TACC1: variants seen among roughly 807,000 people sequenced by gnomAD.
TACC1 encodes transforming acidic coiled-coil-containing protein 1.
Under a neutral mutation model 84.4 loss-of-function variants are expected in TACC1, and 48 were observed. The observed-to-expected ratio is 0.57, with a 90% CI of 0.45 to 0.72. The LOEUF is 0.72. TACC1 is among the 30% of genes least tolerant of loss of function. The pLI, the probability that TACC1 is intolerant of heterozygous loss-of-function variation, is 0.00. For synonymous variants in TACC1, 372 were observed against 376.3 expected, an observed-to-expected ratio of 0.99 and a Z score of 0.13; for missense variants, 920 against 973.0, an observed-to-expected ratio of 0.95 and a Z score of 0.72.
intron 2 of TACC1, among the ~76,000 whole-genome samples, chr8:38,809,309 G>T (rs980257274): frequency 1.1e-4 from 16 of 148,452 alleles, no homozygotes; most frequent in African/African-American, 3.2e-4. Context: ...TAGGTGTAGA[G>T]TGAGGAGATG....
At chr8:38,819,291 C>T (rs1044124023) in intron 2 of TACC1, among the ~76,000 whole-genome samples, 5 of 152,156 alleles carry the variant, frequency 3.3e-5, no homozygotes, top group East Asian at 1.9e-4. Context: ...ACTTACTATT[C>T]GTATCACTTG....
At chr8:38,801,235 C>T (rs535392258) in intron 2 of TACC1, among the ~76,000 whole-genome samples, 6 of 152,170 alleles carry the variant, frequency 3.9e-5, no homozygotes, top group African/African-American at 9.6e-5. Flanking sequence ...ATTTTGATAA[C>T]GTTCAGTTTA....
rs913380853 is a variant in TACC1, at chr8:38,848,115, T to G, written c.*92T>G. 2.4e-6 allele frequency: 3 copies of G among 1,272,820 alleles called. No individual in the cohort carries two copies. The highest frequency in any genetic ancestry group is 3.3e-6 in the Non-Finnish European group (3 of 909,992). The allele number at this position is 1,272,820 out of a possible 1,614,324, so 78.8% of individuals were successfully genotyped here. A position where few individuals can be genotyped will look rare whatever the true frequency, so the allele number is the denominator to read the frequency against. ...CCTTATCCAGGAATAATTGCCCCTT[T>G]GCAGAGAAAAAAAAAAACTTAAAAA... On this transcript the variant is annotated 3_prime_UTR_variant, in exon 13 of 13. Transcript: ENST00000317827.
chr8:38,787,764 C>T (rs1817618947), intron 1 of TACC1, 21 bp downstream of exon 1: 1 of 1,503,416 alleles, frequency 6.7e-7, no homozygotes, highest in Non-Finnish European at 8.8e-7. Context: ...GGCGTCCCCG[C>T]TGAGATGCAG....
At chr8:38,811,403 C>T (rs1199262979) in intron 2 of TACC1, among the ~76,000 whole-genome samples, 1 of 152,214 alleles carries the variant, frequency 6.6e-6, no homozygotes, top group Non-Finnish European at 1.5e-5. Flanking sequence ...ATCAGTCTCA[C>T]CTCATTTCCT....
At chr8:38,808,519 C>G (rs1186074260) in intron 2 of TACC1, among the ~76,000 whole-genome samples, 1 of 152,200 alleles carries the variant, frequency 6.6e-6, no homozygotes, top group Non-Finnish European at 1.5e-5. Context: ...CTCAAGTGGT[C>G]CTCCCATCTC....
At chr8:38,824,102 A>G (rs1194379138) in intron 3 of TACC1, 11 of 1,135,622 alleles carry the variant, frequency 9.7e-6, no homozygotes, top group Admixed American at 4.0e-5. Context: ...CCATCTCTCC[A>G]TAGCATGTTT....
At chr8:38,774,790 A>AATGCC (rs1214972700) in intron 3 of TACC1, among the ~76,000 whole-genome samples, 1 of 152,130 alleles carries the variant, frequency 6.6e-6, no homozygotes, top group Non-Finnish European at 1.5e-5. Context: ...AGGCGGGCGG[A>AATGCC]TCACGAGGTC....
chr8:38,756,852 C>T (rs905641162), intron 3 of TACC1, among the ~76,000 whole-genome samples: 1 of 150,752 alleles, frequency 6.6e-6, no homozygotes, highest in Non-Finnish European at 1.5e-5. Context: ...CCCCTGACCC[C>T]GTCACACACC....
chr8:38,801,649 G>T (rs1208701508), intron 2 of TACC1, among the ~76,000 whole-genome samples: 1 of 152,170 alleles, frequency 6.6e-6, no homozygotes, highest in Admixed American at 6.5e-5. Flanking sequence ...AAATCAAGAA[G>T]TATGAGGCCT....
intron 3 of TACC1, chr8:38,745,643 A>G: frequency 1.8e-6 from 1 of 558,512 alleles, no homozygotes; most frequent in South Asian, 2.1e-5. Flanking sequence ...TCCTGGGTTC[A>G]AGGAATTCTC....
At chr8:38,805,090 A>G (rs868802753) in intron 2 of TACC1, among the ~76,000 whole-genome samples, 4 of 152,204 alleles carry the variant, frequency 2.6e-5, no homozygotes, top group Admixed American at 6.5e-5. Flanking sequence ...TTAGAAAGTC[A>G]TCTTTGGGCT....
At chr8:38,736,622 A>G (rs1806013498) in intron 1 of TACC1, among the ~76,000 whole-genome samples, 1 of 152,184 alleles carries the variant, frequency 6.6e-6, no homozygotes, top group African/African-American at 2.4e-5. Context: ...TCTCCAAAAC[A>G]AAAGAATAAG....
At chr8:38,793,631 T>C (rs1409905082) in intron 2 of TACC1, among the ~76,000 whole-genome samples, 1 of 152,100 alleles carries the variant, frequency 6.6e-6, no homozygotes, top group East Asian at 1.9e-4. Context: ...TTGGTAGATA[T>C]GGGGTCTTGC....
chr8:38,741,912 T>G (rs1357064053), intron 1 of TACC1, among the ~76,000 whole-genome samples: 2 of 152,076 alleles, frequency 1.3e-5, no homozygotes, highest in Non-Finnish European at 2.9e-5. Flanking sequence ...TCAATAAAAA[T>G]CTCAGAAAGA....
At chr8:38,801,396 G>A (rs1345942965) in intron 2 of TACC1, among the ~76,000 whole-genome samples, 1 of 152,176 alleles carries the variant, frequency 6.6e-6, no homozygotes, top group Non-Finnish European at 1.5e-5. Flanking sequence ...TCTGCATATG[G>A]TGTAAGGGAG....
At chr8:38,750,031 G>T (rs1808753043) in intron 3 of TACC1, among the ~76,000 whole-genome samples, 1 of 152,182 alleles carries the variant, frequency 6.6e-6, no homozygotes, top group African/African-American at 2.4e-5. Flanking sequence ...AAGCCTATAA[G>T]AAGGGGGTAA....
intron 3 of TACC1, among the ~76,000 whole-genome samples, chr8:38,775,817 A>T (rs59836717): frequency 0.25 from 38,765 of 152,172 alleles, 5,302 homozygotes; most frequent in African/African-American, 0.3. Flanking sequence ...AAAACACATA[A>T]GATATTCCTA....
chr8:38,780,827 G>A lies in TACC1; in HGVS notation c.27-7877G>A, dbSNP rs150153173. ...CTTGGAGTTTCAGGACCAAAATACA[G>A]TAATCAAAATTTTACTCCAAAGAGA... On this transcript the variant is annotated intron_variant, in intron 3 of 14. Transcript: ENST00000518415. Among the ~76,000 whole-genome samples the A allele has an allele frequency of 6.6e-5, 10 of 152,246 alleles. No individual in the cohort carries two copies. In the East Asian group the frequency reaches 1.9e-3, roughly 29 times the overall value.
Sources: gnomAD v4.1 joint callset for allele counts (sites outside exome capture counted in the v4.1 genomes callset) on GRCh38, gnomAD v4.1.1 for gene constraint, MANE v1.5 for transcripts, NCBI Gene and HGNC (gene_info 2026-07-23, HGNC 2026-07-21) for gene names.